RUSC2: variants seen among roughly 807,000 people sequenced by gnomAD.
The protein encoded by RUSC2 is AP-4 complex accessory subunit RUSC2.
Under a neutral mutation model 122.2 loss-of-function variants are expected in RUSC2, and 34 were observed. The observed-to-expected ratio is 0.28, with a 90% CI of 0.21 to 0.37. RUSC2 has a LOEUF of 0.37. RUSC2 is among the 10% of genes least tolerant of loss of function. The pLI is 1.00. For missense variants in RUSC2, 1,747 were observed against 1,952.4 expected (o/e 0.89, Z 1.98); for synonymous variants, 784 against 790.0 (o/e 0.99, Z 0.13).
chr9:35,513,397 C>T (rs1821045584), intron 1 of RUSC2, among the ~76,000 whole-genome samples: 2 of 151,874 alleles, frequency 1.3e-5, no homozygotes, highest in African/African-American at 4.8e-5. Context: ...CACGTGCCAC[C>T]ATGCCAAGCT....
chr9:35,534,453 C>CACACACAT (rs1469977884), intron 1 of RUSC2, among the ~76,000 whole-genome samples: 2 of 151,118 alleles, frequency 1.3e-5, no homozygotes, highest in African/African-American at 4.9e-5. Flanking sequence ...CACACACACA[C>CACACACAT]ACACAATCCT....
In RUSC2 at chr9:35,547,646, A is replaced by G. The variant is rs1235746039; in HGVS notation, c.1125A>G (p.Ala375=). The part of the protein sequence containing the change: ...SYRPHCEPCP[A]VADLTACFQS... ...GCCCACACTGTGAGCCGTGCCCAGCAGTGGCTGACCTCACAGCCTGCTTCC... is the reference window on the plus strand; with the variant it reads ...GCCCACACTGTGAGCCGTGCCCAGCGGTGGCTGACCTCACAGCCTGCTTCC... The change falls in exon 2 of 12, where the codon GCA becomes GCG. Residue 375 remains alanine (A), a synonymous_variant. Coordinates refer to ENST00000361226, the MANE Select transcript of RUSC2 (RefSeq NM_014806.5). The surrounding 1 kb of genome is among the most constrained non-coding windows in gnomAD (Gnocchi z 4.6). 6.2e-7 allele frequency: 1 copy of G among 1,614,212 alleles called. No homozygotes were observed. The highest frequency in any genetic ancestry group is 8.5e-7 in the Non-Finnish European group (1 of 1,180,030).
At chr9:35,523,679 G>A (rs553845252) in intron 1 of RUSC2, among the ~76,000 whole-genome samples, 3 of 151,984 alleles carry the variant, frequency 2.0e-5, no homozygotes, top group Non-Finnish European at 2.9e-5. Context: ...GCCAGGCATG[G>A]TGGTGCATGC....
intron 1 of RUSC2, among the ~76,000 whole-genome samples, chr9:35,496,461 T>A (rs189489492): frequency 1.2e-4 from 19 of 152,302 alleles, no homozygotes; most frequent in African/African-American, 3.8e-4. Context: ...CAGTCACTTA[T>A]CCCGCTCTAT....
intron 1 of RUSC2, among the ~76,000 whole-genome samples, chr9:35,512,042 G>A (rs576521143): frequency 2.0e-5 from 3 of 152,228 alleles, no homozygotes; most frequent in Admixed American, 6.5e-5. Flanking sequence ...TTAGCTGGGC[G>A]TGGTGGCTGG....
At chr9:35,508,351 A>C (rs944780393) in intron 1 of RUSC2, among the ~76,000 whole-genome samples, 3 of 152,180 alleles carry the variant, frequency 2.0e-5, no homozygotes, top group African/African-American at 7.2e-5. Context: ...GTTTGTTTAG[A>C]TATCCACCTT....
At chr9:35,534,383 T>C (rs1403378242) in intron 1 of RUSC2, among the ~76,000 whole-genome samples, 2 of 150,380 alleles carry the variant, frequency 1.3e-5, no homozygotes, top group Non-Finnish European at 3.0e-5. Flanking sequence ...TGGACCAGCC[T>C]GGGCAACAGA....
intron 1 of RUSC2, among the ~76,000 whole-genome samples, chr9:35,506,234 C>T (rs1216772533): frequency 3.9e-5 from 6 of 152,132 alleles, no homozygotes; most frequent in Non-Finnish European, 8.8e-5. Flanking sequence ...TGTGAACACA[C>T]TAAAAACCAC....
At chr9:35,550,532 A>C (rs911837467) in intron 2 of RUSC2, among the ~76,000 whole-genome samples, 1 of 151,594 alleles carries the variant, frequency 6.6e-6, no homozygotes, top group Non-Finnish European at 1.5e-5. Flanking sequence ...AGGCCGAGGC[A>C]GGAGAATCGC....
chr9:35,551,077 AG>A (rs1821884077), intron 2 of RUSC2, among the ~76,000 whole-genome samples: 1 of 152,222 alleles, frequency 6.6e-6, no homozygotes, highest in African/African-American at 2.4e-5. Context: ...TCAAAAAAAA[AG>A]AAAAACCAGG....
intron 4 of RUSC2, 64 bp from the exon 5 acceptor site, chr9:35,556,244 A>G: frequency 1.2e-6 from 2 of 1,602,620 alleles, no homozygotes; most frequent in Non-Finnish European, 1.7e-6. Context: ...GGTACGAGGC[A>G]CTGAACTGGC....
rs2132553356 is a variant in RUSC2, at chr9:35,547,619, C to G, written c.1098C>G (p.Tyr366Ter). 1 of 1,614,206 alleles carries G rather than the reference C, an allele frequency of 6.2e-7. No individual in the cohort carries two copies. The highest frequency in any genetic ancestry group is 8.5e-7 in the Non-Finnish European group (1 of 1,180,042). Reference sequence around the variant, plus strand: ...AGCTTGATGCCAACTGCAACTCCTACCGCCCACACTGTGAGCCGTGCCCAG... The same window carrying G: ...AGCTTGATGCCAACTGCAACTCCTAGCGCCCACACTGTGAGCCGTGCCCAG... ...SPELDANCNS[Y>*]RPHCEPCPAV... The change falls in exon 2 of 12, where the codon TAC (tyrosine) becomes TAG (stop). Residue 366 changes from tyrosine to a stop codon, truncating the protein, a stop_gained. Transcript: ENST00000361226. LOFTEE classifies it high-confidence loss of function. This position sits in a 1 kb window ranked among gnomAD's most constrained non-coding sequence, Gnocchi z 4.6.
intron 1 of RUSC2, among the ~76,000 whole-genome samples, chr9:35,539,733 C>T (rs1245481995): frequency 6.6e-6 from 1 of 152,132 alleles, no homozygotes; most frequent in Non-Finnish European, 1.5e-5. Flanking sequence ...CATTGTAATG[C>T]CTAGGGCACC....
Position 35,560,131 on chromosome 9 carries a change from C to T in RUSC2, c.3491C>T (p.Ala1164Val). The T allele has an allele frequency of 6.2e-7, 1 of 1,611,430 alleles. No homozygotes were observed. Among genetic ancestry groups the T allele is most frequent in the Non-Finnish European group, 8.5e-7 (1 of 1,179,986 alleles). The change falls in exon 10 of 12, where the codon GCC becomes GTC. Residue 1164 changes from alanine to valine, a missense_variant. Coordinates refer to ENST00000361226, the MANE Select transcript of RUSC2 (RefSeq NM_014806.5). The stretch of plus-strand genomic sequence containing the variant: ...CTGCTGCTGCTGCTACAGCCCCTGG[C>T]CCTGCTGCCCTTCAGCCTCGACTTG... Reference protein sequence around the residue: ...EELLLLLQPLALLPFSLDLLF... With the variant: ...EELLLLLQPLVLLPFSLDLLF...
Position 35,558,323 on chromosome 9 carries a change from C to A in RUSC2, c.3187C>A (p.Gln1063Lys). The A allele has an allele frequency of 6.2e-7, 1 of 1,614,178 alleles. No individual in the cohort carries two copies. The highest frequency in any genetic ancestry group is 8.5e-7 in the Non-Finnish European group (1 of 1,180,034). ...CTTTGTACTGGACGTCATCATCGGG[C>A]AGCGTAAGAACATGCCATGGAGTGT... ...KAFVLDVIIGQRKNMPWSVVE... is the reference protein window; with the variant it reads ...KAFVLDVIIGKRKNMPWSVVE... The change falls in exon 7 of 12, where the codon CAG becomes AAG. Residue 1063 changes from glutamine (Q) to lysine (K), a missense_variant. By Grantham distance (53) the Gln-to-Lys change is moderately conservative. Transcript: ENST00000361226. This position sits in a 1 kb window ranked among gnomAD's most constrained non-coding sequence, Gnocchi z 4.3.
Position 35,557,968 on chromosome 9 carries a change from C to T in RUSC2, c.3038C>T (p.Thr1013Ile). 6.2e-7 allele frequency: 1 copy of T among 1,614,212 alleles called. No individual in the cohort carries two copies. Among genetic ancestry groups the T allele is most frequent in the Non-Finnish European group, 8.5e-7 (1 of 1,180,040 alleles). The change falls in exon 6 of 12, where the codon ACA becomes ATA. Residue 1013 changes from threonine (T) to isoleucine (I), a missense_variant. Thr to Ile is a moderately conservative substitution (Grantham distance 89). Coordinates refer to ENST00000361226, the MANE Select transcript of RUSC2 (RefSeq NM_014806.5). The surrounding 1 kb of genome is among the most constrained non-coding windows in gnomAD (Gnocchi z 4.6). ...AVDLIVAHFG[T>I]SRDPGVKAKL... ...GACCTCATTGTGGCTCATTTTGGCACAAGCCGGGATCCCGGGGTGAAGGTA... is the reference window on the plus strand; with the variant it reads ...GACCTCATTGTGGCTCATTTTGGCATAAGCCGGGATCCCGGGGTGAAGGTA...
At position 35,558,141 on chromosome 9, in the gene RUSC2, A is replaced by G. The variant is rs976784912; in HGVS notation, c.3061-56A>G. ...AGGGGAACCATGAGGGCCTGCTACG[A>G]GAGGACCACAGTCAGGCCTGAGGGG... On this transcript the variant is annotated intron_variant, in intron 6 of 11. Transcript: ENST00000361226. The surrounding 1 kb of genome is among the most constrained non-coding windows in gnomAD (Gnocchi z 4.3). The G allele has an allele frequency of 3.5e-5, 56 of 1,595,516 alleles. No homozygotes were observed. Among genetic ancestry groups the G allele is most frequent in the Non-Finnish European group, 4.7e-5 (55 of 1,169,166 alleles).
At chr9:35,519,806 T>C (rs991322665) in intron 1 of RUSC2, among the ~76,000 whole-genome samples, 3 of 152,204 alleles carry the variant, frequency 2.0e-5, no homozygotes, top group African/African-American at 7.2e-5. Flanking sequence ...ATCTTACTTA[T>C]TTTTACTTCA....
In RUSC2 at chr9:35,548,357, C is replaced by T; in HGVS notation, c.1836C>T (p.Asp612=). 3 of 1,614,078 alleles carry T rather than the reference C, an allele frequency of 1.9e-6. No homozygotes were observed. The highest frequency in any genetic ancestry group is 2.2e-5 in the East Asian group (1 of 44,880). ...LGPGMDLLGP[D]PSPPWSTQVC... The stretch of plus-strand genomic sequence containing the variant: ...CAGGCATGGACCTACTTGGCCCAGA[C>T]CCAAGTCCACCCTGGTCCACCCAGG... Residue 612 remains aspartate (D), a synonymous_variant, in exon 2 of 12, where the codon GAC becomes GAT. Transcript: ENST00000361226. The surrounding 1 kb of genome is among the most constrained non-coding windows in gnomAD (Gnocchi z 4.5).
Sources: gnomAD v4.1 joint callset for allele counts (sites outside exome capture counted in the v4.1 genomes callset) on GRCh38, gnomAD v4.1.1 for gene constraint, Gnocchi (gnomAD v3.1) non-coding constraint, MANE v1.5 for transcripts, NCBI Gene and HGNC (gene_info 2026-07-23, HGNC 2026-07-21) for gene names.